MYO1E: variants seen among roughly 807,000 people sequenced by gnomAD.
The protein encoded by MYO1E is unconventional myosin-Ie.
Under a neutral mutation model 151.1 loss-of-function variants are expected in MYO1E, and 68 were observed. That is an observed-to-expected ratio of 0.45 (90% CI 0.37 to 0.55). The LOEUF is 0.55. MYO1E is among the 20% of genes least tolerant of loss of function. The probability of loss-of-function intolerance (pLI) is 0.00; values close to 1 mark genes in which losing one functional copy is unlikely to be tolerated. For missense variants in MYO1E, 1,363 were observed against 1,389.3 expected (o/e 0.98, Z 0.30); for synonymous variants, 601 against 501.7 (o/e 1.20, Z -2.64).
chr15:59,367,467 C>A (rs953539138), intron 1 of MYO1E, among the ~76,000 whole-genome samples: 17 of 152,170 alleles, frequency 1.1e-4, no homozygotes, highest in African/African-American at 4.1e-4. Context: ...AAGAGAAAAG[C>A]TCAATTTGCA....
intron 4 of MYO1E, among the ~76,000 whole-genome samples, chr15:59,238,086 A>C (rs2080077627): frequency 6.6e-6 from 1 of 152,218 alleles, no homozygotes; most frequent in African/African-American, 2.4e-5. Flanking sequence ...CGTAAGCTAC[A>C]GTAGCAAGTA....
intron 8 of MYO1E, 71 bp downstream of exon 8, chr15:59,224,618 A>G: frequency 6.3e-7 from 1 of 1,593,080 alleles, no homozygotes; most frequent in East Asian, 2.2e-5. Context: ...ATTAACCTTC[A>G]CTGCCCTTTT....
intron 15 of MYO1E, among the ~76,000 whole-genome samples, chr15:59,204,078 A>AT (rs562692186): frequency 4.7e-4 from 71 of 152,344 alleles, no homozygotes; most frequent in African/African-American, 1.6e-3. Flanking sequence ...AATTTTAATA[A>AT]TTTTTTAAAA....
At chr15:59,268,720 A>ATTTTTTTTTTTTTTTTATTTTTTTT (rs2080271853) in intron 2 of MYO1E, among the ~76,000 whole-genome samples, 1 of 44,906 alleles carries the variant, frequency 2.2e-5, no homozygotes, top group Non-Finnish European at 4.9e-5. Context: ...TGACTTTGGT[A>ATTTTTTTTTTTTTTTTATTTTTTTT]TTTTTTTTTT....
chr15:59,282,371 T>C (rs1282367638), intron 1 of MYO1E, among the ~76,000 whole-genome samples: 1 of 152,192 alleles, frequency 6.6e-6, no homozygotes, highest in African/African-American at 2.4e-5. Context: ...GACATGTCAG[T>C]AGTCCCCAGG....
intron 25 of MYO1E, among the ~76,000 whole-genome samples, chr15:59,157,067 A>T (rs1181519730): frequency 2.2e-5 from 3 of 133,550 alleles, no homozygotes; most frequent in African/African-American, 5.8e-5. Flanking sequence ...TACAAAGAGT[A>T]AAAAAAAAAA....
chr15:59,141,202 C>T (rs1328480514), intron 26 of MYO1E, among the ~76,000 whole-genome samples: 2 of 152,114 alleles, frequency 1.3e-5, no homozygotes, highest in Admixed American at 1.3e-4. Flanking sequence ...GCCTGGCAGT[C>T]CACAGAACTG....
At chr15:59,328,870 C>T (rs1416921334) in intron 1 of MYO1E, among the ~76,000 whole-genome samples, 1 of 152,150 alleles carries the variant, frequency 6.6e-6, no homozygotes, top group Non-Finnish European at 1.5e-5. Context: ...GTGTGTTACC[C>T]TCTTAGACTC....
intron 26 of MYO1E, among the ~76,000 whole-genome samples, chr15:59,144,795 T>C (rs546800522): frequency 3.9e-5 from 6 of 152,324 alleles, no homozygotes; most frequent in Non-Finnish European, 7.4e-5. Flanking sequence ...GGCAATCTCC[T>C]CTGCGTCACT....
At chr15:59,293,003 C>A (rs2080428851) in intron 1 of MYO1E, among the ~76,000 whole-genome samples, 1 of 152,142 alleles carries the variant, frequency 6.6e-6, no homozygotes, top group Non-Finnish European at 1.5e-5. Context: ...GTGTGCTGGG[C>A]TGGGGAAGCC....
rs2079509229 is a variant in MYO1E, at chr15:59,156,272, C to A, written c.2878+2015G>T. Among the ~76,000 whole-genome samples, 5 of 152,298 alleles carry A rather than the reference C, an allele frequency of 3.3e-5. No homozygotes were observed. The South Asian group carries it at 1.0e-3, about 32-fold the overall frequency. On this transcript the variant is annotated intron_variant, in intron 25 of 27. Transcript: ENST00000288235. ...TGATCTCAGCTCACTGCAATCTCCA[C>A]CTCCCGGGTTCAAGCAATTCTCGTG...
chr15:59,138,991 AC>A (rs2079390978), intron 26 of MYO1E, among the ~76,000 whole-genome samples: 1 of 152,064 alleles, frequency 6.6e-6, no homozygotes, highest in Non-Finnish European at 1.5e-5. Flanking sequence ...GCCTGATACT[AC>A]ACCACTGCGC....
intron 16 of MYO1E, among the ~76,000 whole-genome samples, chr15:59,201,985 A>G (rs896141270): frequency 3.9e-5 from 6 of 152,234 alleles, no homozygotes; most frequent in African/African-American, 1.4e-4. Context: ...AACTGTCAAC[A>G]GTATCCAAAA....
chr15:59,189,060 T>C (rs1367169472), intron 17 of MYO1E, among the ~76,000 whole-genome samples: 3 of 152,338 alleles, frequency 2.0e-5, no homozygotes, highest in East Asian at 3.9e-4. Flanking sequence ...ATTTCTTCTT[T>C]CTTACAAGAA....
At chr15:59,367,779 A>C (rs1433179702) in intron 1 of MYO1E, among the ~76,000 whole-genome samples, 3 of 152,220 alleles carry the variant, frequency 2.0e-5, no homozygotes, top group Non-Finnish European at 4.4e-5. Context: ...GCAAACAGCT[A>C]ATCTGCAGCT....
chr15:59,224,069 G>C (rs1285419316), intron 8 of MYO1E, among the ~76,000 whole-genome samples: 2 of 152,206 alleles, frequency 1.3e-5, no homozygotes, highest in Non-Finnish European at 2.9e-5. Context: ...AAAGGGCAGT[G>C]GGTGGCAATG....
chr15:59,137,219 AC>A lies in MYO1E; in HGVS notation c.*160del. 1.4e-6 allele frequency: 1 copy of A among 699,994 alleles called. No homozygotes were observed. The highest frequency in any genetic ancestry group is 1.7e-5 in the African/African-American group (1 of 57,168). The allele number at this position is 699,994 out of a possible 1,614,324, so 43.4% of individuals were successfully genotyped here. A position where few individuals can be genotyped will look rare whatever the true frequency, so the allele number is the denominator to read the frequency against. ...TATGGAGTGATACTCCCTGTCCCCA[AC>A]CCAGCCTTTTCAGTGTCCTCCATGG... is the stretch of plus-strand genomic sequence containing the variant. On this transcript the variant is annotated 3_prime_UTR_variant, in exon 28 of 28. Transcript: ENST00000288235.
At chr15:59,243,964 A>G (rs2080114929) in intron 4 of MYO1E, among the ~76,000 whole-genome samples, 3 of 151,966 alleles carry the variant, frequency 2.0e-5, no homozygotes, top group African/African-American at 7.3e-5. Context: ...GGGAGGTTCC[A>G]GGGTCATGGA....
intron 12 of MYO1E, among the ~76,000 whole-genome samples, chr15:59,211,351 T>C (rs2079878146): frequency 6.6e-6 from 1 of 152,202 alleles, no homozygotes; most frequent in Non-Finnish European, 1.5e-5. Context: ...GGTTTCACTT[T>C]GTCAGCTTCC....
Sources: gnomAD v4.1 joint callset for allele counts (sites outside exome capture counted in the v4.1 genomes callset) on GRCh38, gnomAD v4.1.1 for gene constraint, MANE v1.5 for transcripts, NCBI Gene and HGNC (gene_info 2026-07-23, HGNC 2026-07-21) for gene names.